LRRC37A2: variants seen among roughly 807,000 people sequenced by gnomAD.
LRRC37A2 encodes leucine-rich repeat-containing protein 37A2.
LRRC37A2 carries 9 observed loss-of-function variants against 68.8 expected under a neutral mutation model. The observed-to-expected ratio is 0.13, with a 90% CI of 0.08 to 0.23. The LOEUF (loss-of-function observed/expected upper bound fraction) is 0.23, where lower values mean the gene tolerates loss of function less well. Among genes scored for constraint, LRRC37A2 ranks in the 10% least tolerant of loss-of-function variants. The pLI is 1.00. For synonymous variants in LRRC37A2, 63 were observed against 367.6 expected, an observed-to-expected ratio of 0.17 and a Z score of 9.48; for missense variants, 168 against 950.4, an observed-to-expected ratio of 0.18 and a Z score of 10.82.
chr17:46,929,673 G>A, the LRRC37A2 span: 7 of 762,302 alleles, frequency 9.2e-6, no homozygotes, highest in Non-Finnish European at 4.8e-6. Flanking sequence ...TGCCTTGGGG[G>A]CTTAATGATT....
At chr17:46,878,517 C>A in the LRRC37A2 span, among the ~76,000 whole-genome samples, 1 of 152,184 alleles carries the variant, frequency 6.6e-6, no homozygotes, top group South Asian at 2.1e-4. Context: ...ACATTGCTGA[C>A]CCAAGCACCT....
At chr17:46,845,673 T>C in the LRRC37A2 span, among the ~76,000 whole-genome samples, 5 of 151,612 alleles carry the variant, frequency 3.3e-5, no homozygotes, top group Admixed American at 6.6e-5. Flanking sequence ...GTATTTTTAG[T>C]AGAGATGGGT....
At chr17:47,010,380 GAGA>G in the LRRC37A2 span, 1 of 152,328 alleles carries the variant, frequency 6.6e-6, no homozygotes, top group Non-Finnish European at 1.5e-5. Flanking sequence ...AACCCCATGA[GAGA>G]AGGAGTTCCC....
the LRRC37A2 span, among the ~76,000 whole-genome samples, chr17:46,657,621 G>A: frequency 7.9e-6 from 1 of 126,778 alleles, no homozygotes; most frequent in Non-Finnish European, 1.7e-5. Context: ...GATTGCCTTT[G>A]GAAGGTCTGT....
chr17:46,799,858 A>G, the LRRC37A2 span, among the ~76,000 whole-genome samples: 1 of 152,102 alleles, frequency 6.6e-6, no homozygotes, highest in Non-Finnish European at 1.5e-5. Context: ...CAACCACCCA[A>G]AGCAAAGTTC....
the LRRC37A2 span, among the ~76,000 whole-genome samples, chr17:46,873,280 C>T: frequency 6.6e-6 from 1 of 152,130 alleles, no homozygotes; most frequent in Non-Finnish European, 1.5e-5. Context: ...CCCTTCCACT[C>T]CCATTCTACC....
chr17:47,038,179 G>A, the LRRC37A2 span, among the ~76,000 whole-genome samples: 2 of 152,068 alleles, frequency 1.3e-5, no homozygotes, highest in Non-Finnish European at 2.9e-5. Flanking sequence ...GGTGGCACAC[G>A]CCTGTAGTCA....
the LRRC37A2 span, among the ~76,000 whole-genome samples, chr17:46,804,927 C>CAA: frequency 6.9e-6 from 1 of 145,382 alleles, no homozygotes; most frequent in Admixed American, 6.8e-5. Flanking sequence ...CCACCCCCCC[C>CAA]ACCCCCAAGC....
the LRRC37A2 span, among the ~76,000 whole-genome samples, chr17:46,868,270 T>C: frequency 6.6e-6 from 1 of 152,236 alleles, no homozygotes; most frequent in East Asian, 1.9e-4. Context: ...TAGCATCTCA[T>C]TGGCCATAAG....
chr17:46,908,323 G>A, the LRRC37A2 span, among the ~76,000 whole-genome samples: 1 of 152,176 alleles, frequency 6.6e-6, no homozygotes, highest in Non-Finnish European at 1.5e-5. Flanking sequence ...CTCAAGAGGG[G>A]TCCTCTCACC....
At chr17:46,919,934 G>A in the LRRC37A2 span, among the ~76,000 whole-genome samples, 4,394 of 151,920 alleles carry the variant, frequency 0.029, 205 homozygotes, top group African/African-American at 0.1. Flanking sequence ...GCAACAGAGC[G>A]AGACTCCATC....
the LRRC37A2 span, among the ~76,000 whole-genome samples, chr17:46,607,909 A>G: frequency 4.5e-5 from 6 of 133,294 alleles, 1 homozygote; most frequent in Admixed American, 1.6e-4. Context: ...GGGTGGGGGA[A>G]GTGCCTTGAC....
At chr17:46,621,304 T>G in the LRRC37A2 span, among the ~76,000 whole-genome samples, 2 of 143,328 alleles carry the variant, frequency 1.4e-5, 1 homozygote. Flanking sequence ...TTTTTTTTTT[T>G]GAGATAGGGT....
the LRRC37A2 span, among the ~76,000 whole-genome samples, chr17:46,832,377 A>C: frequency 7.5e-6 from 1 of 133,332 alleles, no homozygotes. Flanking sequence ...GATACACAAC[A>C]CAAGACACAG....
the LRRC37A2 span, among the ~76,000 whole-genome samples, chr17:46,942,219 G>A: frequency 2.0e-5 from 3 of 152,166 alleles, no homozygotes; most frequent in Admixed American, 1.3e-4. Flanking sequence ...AGAAAGAAAC[G>A]TCATCTGTTA....
the LRRC37A2 span, among the ~76,000 whole-genome samples, chr17:46,922,380 G>GC: frequency 6.6e-6 from 1 of 152,060 alleles, no homozygotes; most frequent in Non-Finnish European, 1.5e-5. Context: ...TATACCTAAT[G>GC]TAAATGACGA....
chr17:46,797,761 A>G, the LRRC37A2 span, among the ~76,000 whole-genome samples: 1 of 152,224 alleles, frequency 6.6e-6, no homozygotes, highest in Non-Finnish European at 1.5e-5. Flanking sequence ...AACTGTGAGC[A>G]TGTGAGAACT....
chr17:46,733,923 A>G, the LRRC37A2 span, among the ~76,000 whole-genome samples: 2 of 152,326 alleles, frequency 1.3e-5, no homozygotes, highest in African/African-American at 4.8e-5. Flanking sequence ...ACCTAATAAG[A>G]GAGAAATACA....
At chr17:46,464,094 A>T in the LRRC37A2 span, among the ~76,000 whole-genome samples, 1 of 26,830 alleles carries the variant, frequency 3.7e-5, no homozygotes, top group African/African-American at 1.6e-4. Context: ...GATCAGTCTC[A>T]TTGGTTCTAG....
Sources: allele counts gnomAD v4.1 joint callset (sites outside exome capture counted in the v4.1 genomes callset), GRCh38; gene constraint gnomAD v4.1.1; transcripts MANE v1.5; gene names NCBI Gene and HGNC (gene_info 2026-07-23, HGNC 2026-07-21).